NEURL1B: variants seen among roughly 807,000 people sequenced by gnomAD.
NEURL1B encodes the protein E3 ubiquitin-protein ligase NEURL1B.
NEURL1B carries 13 observed loss-of-function variants against 37.4 expected under a neutral mutation model. That is an observed-to-expected ratio of 0.35 (90% CI 0.23 to 0.55). The LOEUF is 0.55. NEURL1B is among the 20% of genes least tolerant of loss of function. The probability of loss-of-function intolerance (pLI) is 0.89; values close to 1 mark genes in which losing one functional copy is unlikely to be tolerated. For missense variants in NEURL1B, 790 were observed against 879.2 expected, an observed-to-expected ratio of 0.90 and a Z score of 1.28; for synonymous variants, 432 against 426.6, an observed-to-expected ratio of 1.01 and a Z score of -0.16.
At position 172,657,780 on chromosome 5, in the gene NEURL1B, C is replaced by T. The variant is rs1757822834; in HGVS notation, c.32-12005C>T. On this transcript the variant is annotated intron_variant, in intron 1 of 4. Transcript: ENST00000369800. This position sits in a 1 kb window ranked among gnomAD's most constrained non-coding sequence, Gnocchi z 4.0. The stretch of plus-strand genomic sequence containing the variant: ...GAAGGCTGGATATTATCCAGGCCTG[C>T]CCGCAGTCATCCGGAGGCCTAAACC... Among the ~76,000 whole-genome samples, 1 of 152,142 alleles carries T rather than the reference C, an allele frequency of 6.6e-6. No homozygotes were observed. Among genetic ancestry groups the T allele is most frequent in the South Asian group, 2.1e-4 (1 of 4,824 alleles).
At chr5:172,666,604 C>G (rs537539999) in intron 1 of NEURL1B, among the ~76,000 whole-genome samples, 2 of 152,286 alleles carry the variant, frequency 1.3e-5, no homozygotes, top group African/African-American at 4.8e-5. Flanking sequence ...AAAGCGAGAT[C>G]TCCCAAGGAA....
chr5:172,686,498 T>C lies in NEURL1B; in HGVS notation c.1424-183T>C, dbSNP rs1758499709. Among the ~76,000 whole-genome samples, 1 of 152,186 alleles carries C rather than the reference T, an allele frequency of 6.6e-6. No homozygotes were observed. The highest frequency in any genetic ancestry group is 1.5e-5 in the Non-Finnish European group (1 of 68,034). On this transcript the variant is annotated intron_variant, in intron 4 of 4. Coordinates refer to ENST00000369800, the MANE Select transcript of NEURL1B (RefSeq NM_001142651.3). The surrounding 1 kb of genome is among the most constrained non-coding windows in gnomAD (Gnocchi z 7.9). ...AGGGTGACGATGGTGGCATTTTATC[T>C]TGGTGTTTGGGAGTAGAAGAGTAGA...
chr5:172,673,507 C>T (rs1352034435), intron 2 of NEURL1B, among the ~76,000 whole-genome samples: 1 of 152,042 alleles, frequency 6.6e-6, no homozygotes, highest in African/African-American at 2.4e-5. Context: ...ACCTGAAAAC[C>T]AACAAACAAA....
chr5:172,686,221 G>A lies in NEURL1B; in HGVS notation c.1348G>A (p.Gly450Ser), dbSNP rs373249276. Residue 450 changes from glycine to serine, a missense_variant, in exon 4 of 5, where the codon GGC becomes AGC. Gly to Ser is a moderately conservative substitution (Grantham distance 56, BLOSUM62 0). Coordinates refer to ENST00000369800, the MANE Select transcript of NEURL1B (RefSeq NM_001142651.3). The surrounding 1 kb of genome is among the most constrained non-coding windows in gnomAD (Gnocchi z 7.9). Reference sequence around the variant, plus strand: ...CACGACTCCATCAGGGTCCCTCAGCGGCTCCCAGGACGATAGTGATTCAGA... The same window carrying A: ...CACGACTCCATCAGGGTCCCTCAGCAGCTCCCAGGACGATAGTGATTCAGA... ...ATTTPSGSLSGSQDDSDSDMT... is the reference protein window; with the variant it reads ...ATTTPSGSLSSSQDDSDSDMT... 1.7e-5 allele frequency: 26 copies of A among 1,551,554 alleles called. No homozygotes were observed. The highest frequency in any genetic ancestry group is 1.7e-4 in the Middle Eastern group (1 of 6,014).
intron 1 of NEURL1B, among the ~76,000 whole-genome samples, chr5:172,654,898 G>C (rs1341384070): frequency 1.3e-5 from 2 of 152,104 alleles, no homozygotes; most frequent in Non-Finnish European, 2.9e-5. Context: ...TAAAGGAATA[G>C]GGTACACTGG....
Position 172,659,047 on chromosome 5 carries a change from C to T in NEURL1B, c.32-10738C>T, listed in dbSNP as rs1323172052. ...CCACCCCTGCCCGCCCCCCCCCCCC[C>T]AAAGCTTCCTTCCTGAGACCAAGCC... On this transcript the variant is annotated intron_variant, in intron 1 of 4. Coordinates refer to ENST00000369800, the MANE Select transcript of NEURL1B (RefSeq NM_001142651.3). Among the ~76,000 whole-genome samples the T allele has an allele frequency of 4.9e-3, 596 of 120,824 alleles. 3 individuals are homozygous for T. Among genetic ancestry groups the T allele is most frequent in the African/African-American group, 0.018 (552 of 30,946 alleles). The allele number at this position is 120,824 out of a possible 152,430, so 79.3% of individuals were successfully genotyped here. A position where few individuals can be genotyped will look rare whatever the true frequency, so the allele number is the denominator to read the frequency against.
chr5:172,651,219 T>C (rs1561641645), intron 1 of NEURL1B, among the ~76,000 whole-genome samples: 1 of 152,232 alleles, frequency 6.6e-6, no homozygotes, highest in Non-Finnish European at 1.5e-5. Flanking sequence ...GCTTAGTTGT[T>C]CTGCTTGATT....
Position 172,669,669 on chromosome 5 carries a change from A to G in NEURL1B, c.32-116A>G, listed in dbSNP as rs949952738. 3 of 796,608 alleles carry G rather than the reference A, an allele frequency of 3.8e-6. No homozygotes were observed. In the African/African-American group the frequency reaches 5.6e-5, roughly 15 times the overall value. The allele number at this position is 796,608 out of a possible 1,614,324, so 49.3% of individuals were successfully genotyped here. Reference sequence around the variant, plus strand: ...AGCCTGGAACCTTCTTAAGTTTATCAGTAACCAGTCCTGTTAAAATGGAAT... The same window carrying G: ...AGCCTGGAACCTTCTTAAGTTTATCGGTAACCAGTCCTGTTAAAATGGAAT... On this transcript the variant is annotated intron_variant, in intron 1 of 4. Coordinates refer to ENST00000369800, the MANE Select transcript of NEURL1B (RefSeq NM_001142651.3).
chr5:172,668,402 G>A (rs909941051), intron 1 of NEURL1B, among the ~76,000 whole-genome samples: 3 of 152,180 alleles, frequency 2.0e-5, no homozygotes, highest in Admixed American at 1.3e-4. Context: ...GAGCCTCCCA[G>A]CTTCCAGGCG....
At chr5:172,659,302 C>T (rs1025505070) in intron 1 of NEURL1B, among the ~76,000 whole-genome samples, 2 of 152,238 alleles carry the variant, frequency 1.3e-5, no homozygotes, top group South Asian at 2.1e-4. Flanking sequence ...CTTCAGGCCC[C>T]GCAGGTGCTC....
intron 1 of NEURL1B, chr5:172,656,812 C>A (rs1757789456): frequency 1.5e-6 from 1 of 651,028 alleles, no homozygotes. Context: ...ATTTAAAACT[C>A]CTAACAACCG....
chr5:172,680,435 G>A lies in NEURL1B; in HGVS notation c.578-2984G>A, dbSNP rs554772882. Among the ~76,000 whole-genome samples the A allele has an allele frequency of 1.9e-4, 29 of 152,324 alleles. 2 individuals carry two copies. The South Asian group carries it at 5.8e-3, about 30-fold the overall frequency. On this transcript the variant is annotated intron_variant, in intron 2 of 4. Coordinates refer to ENST00000369800, the MANE Select transcript of NEURL1B (RefSeq NM_001142651.3). Reference sequence around the variant, plus strand: ...GAGAGTTGGCGGGGGGGAAGGAGCAGGGCAAGTAAGGCCAGCGCCTTTAGG... The same window carrying A: ...GAGAGTTGGCGGGGGGGAAGGAGCAAGGCAAGTAAGGCCAGCGCCTTTAGG...
intron 2 of NEURL1B, among the ~76,000 whole-genome samples, chr5:172,671,610 T>C (rs550140641): frequency 6.6e-6 from 1 of 152,386 alleles, no homozygotes; most frequent in East Asian, 1.9e-4. Context: ...TTCAGATTCA[T>C]CCACATTGTT....
chr5:172,643,479 G>A (rs1265697509), intron 1 of NEURL1B, among the ~76,000 whole-genome samples: 1 of 152,158 alleles, frequency 6.6e-6, no homozygotes, highest in East Asian at 1.9e-4. Flanking sequence ...ACCACCCACA[G>A]TCTCATCCTT....
chr5:172,646,715 G>A (rs1561640177), intron 1 of NEURL1B, among the ~76,000 whole-genome samples: 1 of 152,198 alleles, frequency 6.6e-6, no homozygotes, highest in Non-Finnish European at 1.5e-5. Flanking sequence ...AGGGAGTTGT[G>A]AGAGCCCAGA....
rs1242117232 is a variant in NEURL1B at position 172,683,985 on chromosome 5, G to A, written c.1144G>A (p.Asp382Asn). The change falls in exon 3 of 5, where the codon GAC becomes AAC. Residue 382 changes from aspartate to asparagine, a missense_variant. Physicochemically the swap from Asp to Asn is conservative, Grantham distance 23. This residue lies in a region of NEURL1B where 460 missense variants were observed against 407.4 expected (regional missense o/e 1.13). Coordinates refer to ENST00000369800, the MANE Select transcript of NEURL1B (RefSeq NM_001142651.3). This position sits in a 1 kb window ranked among gnomAD's most constrained non-coding sequence, Gnocchi z 5.6. ...ARAGPVPSGG[D>N]ALSFTLRPGG... is the part of the protein sequence containing the mutation. ...CGCCGGGCCCGTGCCGAGCGGCGGC[G>A]ACGCGCTCAGCTTCACGCTGCGGCC... The A allele has an allele frequency of 1.5e-6, 2 of 1,320,186 alleles. No individual in the cohort carries two copies. The highest frequency in any genetic ancestry group is 3.8e-5 in the Admixed American group (1 of 26,592). 81.8% of individuals were successfully genotyped at this position (1,320,186 alleles called of 1,614,324 possible).
chr5:172,683,854 T>C lies in NEURL1B; in HGVS notation c.1013T>C (p.Leu338Pro). 2.2e-6 allele frequency: 3 copies of C among 1,356,906 alleles called. No individual in the cohort carries two copies. Among genetic ancestry groups the C allele is most frequent in the East Asian group, 3.4e-5 (1 of 29,734 alleles). 84.1% of individuals were successfully genotyped at this position (1,356,906 alleles called of 1,614,324 possible). Residue 338 changes from leucine to proline, a missense_variant, in exon 3 of 5, where the codon CTG becomes CCG. Transcript: ENST00000369800. The surrounding 1 kb of genome is among the most constrained non-coding windows in gnomAD (Gnocchi z 5.6). ...GRPGLAAPGA[L>P]AFGITSCDPG... is the part of the protein sequence containing the mutation. Reference sequence around the variant, plus strand: ...CCGGGGCTGGCGGCGCCCGGCGCGCTGGCCTTCGGCATCACGTCGTGCGAC... The same window carrying C: ...CCGGGGCTGGCGGCGCCCGGCGCGCCGGCCTTCGGCATCACGTCGTGCGAC...
Position 172,686,594 on chromosome 5 carries a change from A to C in NEURL1B, c.1424-87A>C, listed in dbSNP as rs990689564. On this transcript the variant is annotated intron_variant, in intron 4 of 4. Coordinates refer to ENST00000369800, the MANE Select transcript of NEURL1B (RefSeq NM_001142651.3). This position sits in a 1 kb window ranked among gnomAD's most constrained non-coding sequence, Gnocchi z 7.9. ...AAAGTATTCTCCCACCGGTCCCAGC[A>C]AGAAGCCCTGCATTCTCGGGGTTGC... 1.4e-5 allele frequency: 20 copies of C among 1,420,944 alleles called. No homozygotes were observed. The highest frequency in any genetic ancestry group is 1.9e-5 in the Non-Finnish European group (20 of 1,052,134). 88.0% of individuals were successfully genotyped at this position (1,420,944 alleles called of 1,614,324 possible).
chr5:172,670,236 C>T lies in NEURL1B; in HGVS notation c.483C>T (p.Gly161=). ...HGRVFYSVND[G]EPVLFHCGVA... is the part of the protein sequence containing the mutation. ...GCGTGTTCTACAGCGTGAACGACGGCGAGCCGGTGCTCTTCCACTGCGGCG... is the reference window on the plus strand; with the variant it reads ...GCGTGTTCTACAGCGTGAACGACGGTGAGCCGGTGCTCTTCCACTGCGGCG... Residue 161 remains glycine, a synonymous_variant, in exon 2 of 5, where the codon GGC becomes GGT. Coordinates refer to ENST00000369800, the MANE Select transcript of NEURL1B (RefSeq NM_001142651.3). 4 of 1,406,812 alleles carry T rather than the reference C, an allele frequency of 2.8e-6. No homozygotes were observed. Among genetic ancestry groups the T allele is most frequent in the South Asian group, 3.1e-5 (2 of 65,068 alleles). 87.1% of individuals were successfully genotyped at this position (1,406,812 alleles called of 1,614,324 possible).
Sources: allele counts gnomAD v4.1 joint callset (sites outside exome capture counted in the v4.1 genomes callset), GRCh38; gene constraint gnomAD v4.1.1; regional missense constraint gnomAD v4.1.1; non-coding constraint Gnocchi (gnomAD v3.1); transcripts MANE v1.5; gene names NCBI Gene and HGNC (gene_info 2026-07-23, HGNC 2026-07-21).